The following ARL15 variants were observed in gnomAD, a reference collection of about 807,000 sequenced individuals.
The protein encoded by ARL15 is ADP-ribosylation factor-like protein 15.
ARL15 carries 19 observed loss-of-function variants against 25.2 expected under a neutral mutation model. The ratio of observed to expected loss-of-function variants is 0.75; its 90% CI spans 0.53 to 1.10. The LOEUF (loss-of-function observed/expected upper bound fraction) is 1.10. Among genes scored for constraint, ARL15 ranks in the 50% least tolerant of loss-of-function variants. ARL15 has a pLI of 0.00. For synonymous variants in ARL15, 94 were observed against 86.8 expected, an observed-to-expected ratio of 1.08 and a Z score of -0.46; for missense variants, 220 against 246.0, an observed-to-expected ratio of 0.89 and a Z score of 0.71.
chr5:54,214,452 ACATATT>A, intron 1 of ARL15, among the ~76,000 whole-genome samples: 1 of 152,234 alleles, frequency 6.6e-6, no homozygotes, highest in East Asian at 1.9e-4. Flanking sequence ...TTTTTTCCCT[ACATATT>A]GTCCTCTGTG....
intron 1 of ARL15, among the ~76,000 whole-genome samples, chr5:54,239,631 AGG>A (rs1425331725): frequency 1.4e-4 from 22 of 152,192 alleles, no homozygotes; most frequent in African/African-American, 5.3e-4. Flanking sequence ...CTGAAATATG[AGG>A]ACAAAAAGAA....
At chr5:54,231,373 A>G (rs980810318) in intron 1 of ARL15, among the ~76,000 whole-genome samples, 3 of 152,102 alleles carry the variant, frequency 2.0e-5, no homozygotes, top group East Asian at 1.9e-4. Flanking sequence ...CATCCAGCCT[A>G]TAACATCCAC....
intron 3 of ARL15, among the ~76,000 whole-genome samples, chr5:54,139,401 A>G (rs1753705938): frequency 6.6e-6 from 1 of 152,224 alleles, no homozygotes; most frequent in African/African-American, 2.4e-5. Flanking sequence ...TTCTAAGTGA[A>G]GTAACTCAGA....
chr5:54,124,580 A>G (rs966585889), intron 3 of ARL15, among the ~76,000 whole-genome samples: 1 of 152,232 alleles, frequency 6.6e-6, no homozygotes, highest in African/African-American at 2.4e-5. Flanking sequence ...AAATCAGATC[A>G]TTCTATTCAA....
intron 3 of ARL15, among the ~76,000 whole-genome samples, chr5:54,153,810 C>T (rs563503374): frequency 7.6e-4 from 116 of 152,102 alleles, no homozygotes; most frequent in African/African-American, 2.6e-3. Context: ...TTAGAATGAC[C>T]TTAAGGGAAA....
chr5:54,290,304 C>CTTTT (rs34445601), intron 1 of ARL15, among the ~76,000 whole-genome samples: 1 of 140,018 alleles, frequency 7.1e-6, no homozygotes, highest in Non-Finnish European at 1.6e-5. Flanking sequence ...ATCACTCAAC[C>CTTTT]TTTTTTTTTT....
At chr5:54,027,685 A>G (rs1321651416) in intron 4 of ARL15, among the ~76,000 whole-genome samples, 2 of 151,970 alleles carry the variant, frequency 1.3e-5, no homozygotes, top group South Asian at 4.2e-4. Flanking sequence ...GCCACATCCA[A>G]CCTGGCCATC....
chr5:54,026,232 A>C (rs1371024936), intron 4 of ARL15, among the ~76,000 whole-genome samples: 1 of 152,156 alleles, frequency 6.6e-6, no homozygotes, highest in Non-Finnish European at 1.5e-5. Context: ...TCTATCTTAT[A>C]ATCTGTCACA....
intron 1 of ARL15, among the ~76,000 whole-genome samples, chr5:54,187,043 G>T (rs1380871867): frequency 6.6e-6 from 1 of 152,088 alleles, no homozygotes; most frequent in African/African-American, 2.4e-5. Context: ...GCAATTCATT[G>T]GAAGGATACT....
chr5:53,915,276 T>C (rs1379368792), intron 4 of ARL15, among the ~76,000 whole-genome samples: 2 of 152,150 alleles, frequency 1.3e-5, no homozygotes, highest in African/African-American at 4.8e-5. Context: ...ATTAATTCAG[T>C]TTGTTGGGGG....
intron 4 of ARL15, among the ~76,000 whole-genome samples, chr5:53,917,962 T>C (rs1217195960): frequency 6.6e-6 from 1 of 152,180 alleles, no homozygotes; most frequent in East Asian, 1.9e-4. Context: ...GAGTTGTCTA[T>C]CTTAAACTCA....
chr5:54,145,843 T>C (rs919652513), intron 3 of ARL15, among the ~76,000 whole-genome samples: 3 of 152,254 alleles, frequency 2.0e-5, no homozygotes, highest in Non-Finnish European at 4.4e-5. Flanking sequence ...AGATATTTTA[T>C]ACTATAGTAC....
intron 4 of ARL15, among the ~76,000 whole-genome samples, chr5:54,093,004 A>C (rs1752176695): frequency 1.3e-5 from 2 of 152,342 alleles, no homozygotes; most frequent in African/African-American, 2.4e-5. Flanking sequence ...TTATTGGTCC[A>C]TAGTTACATC....
chr5:54,208,311 C>A (rs2112499792), intron 1 of ARL15, among the ~76,000 whole-genome samples: 1 of 152,192 alleles, frequency 6.6e-6, no homozygotes, highest in African/African-American at 2.4e-5. Context: ...ATATGAAAGA[C>A]AGAAACCTAA....
intron 1 of ARL15, among the ~76,000 whole-genome samples, chr5:54,242,904 C>A (rs565886514): frequency 9.3e-4 from 142 of 152,258 alleles, no homozygotes; most frequent in African/African-American, 3.3e-3. Context: ...GAAAAAAAAT[C>A]TCTTTGCTCA....
At chr5:53,996,064 T>A (rs188932450) in intron 4 of ARL15, among the ~76,000 whole-genome samples, 139 of 152,330 alleles carry the variant, frequency 9.1e-4, no homozygotes, top group Middle Eastern at 3.4e-3. Context: ...TATCAATAAT[T>A]CTCATTGGCT....
chr5:54,058,943 G>A (rs1395449246), intron 4 of ARL15, among the ~76,000 whole-genome samples: 3 of 152,158 alleles, frequency 2.0e-5, no homozygotes, highest in Non-Finnish European at 2.9e-5. Flanking sequence ...CACTGGGGCT[G>A]GTGAGACGTC....
Position 54,122,309 on chromosome 5 carries a change from G to A in ARL15, c.254-8899C>T, listed in dbSNP as rs183348461. 2.0e-3 allele frequency among the ~76,000 whole-genome samples: 303 copies of A among 152,290 alleles called. 1 individual carries two copies. The highest frequency in any genetic ancestry group is 2.6e-3 in the Non-Finnish European group (176 of 68,034). On this transcript the variant is annotated intron_variant, in intron 3 of 4. Transcript: ENST00000504924. ...AAACGCATGTTCTTTCAGTACAGGT[G>A]TCTTCAACTAGACATGAACACAAAC...
intron 1 of ARL15, among the ~76,000 whole-genome samples, chr5:54,237,047 C>T (rs1320615509): frequency 2.0e-5 from 3 of 152,198 alleles, no homozygotes; most frequent in Non-Finnish European, 2.9e-5. Context: ...GGCTGTGTCC[C>T]CACCCAAATC....
Sources: gnomAD v4.1 joint callset for allele counts (sites outside exome capture counted in the v4.1 genomes callset) on GRCh38, gnomAD v4.1.1 for gene constraint, MANE v1.5 for transcripts, NCBI Gene and HGNC (gene_info 2026-07-23, HGNC 2026-07-21) for gene names.